Variants in CSTPP1 observed in about 807,000 individuals in gnomAD.
CSTPP1 encodes UPF0705 protein C11orf49.
the CSTPP1 span, among the ~76,000 whole-genome samples, chr11:47,081,973 C>G: frequency 2.3e-4 from 34 of 145,810 alleles, no homozygotes; most frequent in Non-Finnish European, 4.8e-4. Flanking sequence ...TGTGGTGGCG[C>G]ACGCTTATAT....
At chr11:46,989,037 C>T in the CSTPP1 span, among the ~76,000 whole-genome samples, 1 of 151,954 alleles carries the variant, frequency 6.6e-6, no homozygotes, top group Admixed American at 6.6e-5. Flanking sequence ...GGAGACCAGC[C>T]TGACCAACAT....
chr11:47,045,921 G>A, the CSTPP1 span, among the ~76,000 whole-genome samples: 4 of 152,100 alleles, frequency 2.6e-5, no homozygotes, highest in East Asian at 7.7e-4. Flanking sequence ...CGAGTAGCTG[G>A]GATTACAGGC....
the CSTPP1 span, chr11:47,161,229 G>T: frequency 6.2e-7 from 1 of 1,614,080 alleles, no homozygotes. Flanking sequence ...CCTTGTGGGG[G>T]CCAGACGGGT....
At chr11:47,074,501 G>GAA in the CSTPP1 span, among the ~76,000 whole-genome samples, 288 of 115,168 alleles carry the variant, frequency 2.5e-3, 2 homozygotes, top group African/African-American at 9.5e-3. Flanking sequence ...TCCTGTCTCA[G>GAA]AAAAAAAAAA....
At chr11:46,950,978 C>G in the CSTPP1 span, among the ~76,000 whole-genome samples, 2 of 152,134 alleles carry the variant, frequency 1.3e-5, no homozygotes, top group African/African-American at 4.8e-5. Context: ...GAGTAATTCT[C>G]ATATGCAGGA....
At chr11:47,008,159 G>T in the CSTPP1 span, among the ~76,000 whole-genome samples, 4 of 152,038 alleles carry the variant, frequency 2.6e-5, no homozygotes, top group Non-Finnish European at 5.9e-5. Context: ...TAGAGACGGG[G>T]TTTCACCGTG....
the CSTPP1 span, among the ~76,000 whole-genome samples, chr11:47,000,942 A>G: frequency 6.6e-6 from 1 of 152,198 alleles, no homozygotes; most frequent in Non-Finnish European, 1.5e-5. Flanking sequence ...TTCAGGCTAT[A>G]AAAGTAACAT....
chr11:47,049,625 T>C, the CSTPP1 span, among the ~76,000 whole-genome samples: 7 of 151,776 alleles, frequency 4.6e-5, no homozygotes, highest in African/African-American at 1.7e-4. Flanking sequence ...TGGGTGACAG[T>C]GGGAGACAAT....
chr11:47,090,734 T>C, the CSTPP1 span, among the ~76,000 whole-genome samples: 3 of 152,174 alleles, frequency 2.0e-5, no homozygotes, highest in Admixed American at 6.6e-5. Context: ...TTATTATATC[T>C]ATTTTAAAGA....
At chr11:46,956,221 T>C in the CSTPP1 span, among the ~76,000 whole-genome samples, 3 of 152,226 alleles carry the variant, frequency 2.0e-5, no homozygotes, top group South Asian at 6.2e-4. Context: ...AGATCTGGTC[T>C]AATAGGTAAT....
chr11:47,160,171 G>A, the CSTPP1 span: 2 of 168,694 alleles, frequency 1.2e-5, no homozygotes, highest in Non-Finnish European at 1.3e-5. Flanking sequence ...TGGGTGTGGT[G>A]GCATGTACCA....
the CSTPP1 span, among the ~76,000 whole-genome samples, chr11:47,019,595 G>A: frequency 1.3e-5 from 2 of 152,102 alleles, no homozygotes; most frequent in African/African-American, 2.4e-5. Context: ...ATGGCTGGTC[G>A]GTGGAGGAGT....
the CSTPP1 span, among the ~76,000 whole-genome samples, chr11:47,121,501 G>A: frequency 1.3e-5 from 2 of 152,228 alleles, no homozygotes; most frequent in South Asian, 2.1e-4. Flanking sequence ...AGCTTTGGAA[G>A]TTGATCCAAT....
chr11:47,041,422 G>A, the CSTPP1 span: 19 of 267,864 alleles, frequency 7.1e-5, 5 homozygotes, highest in Admixed American at 2.6e-4. Context: ...AGGACAGCAC[G>A]TCTGTGTTCA....
chr11:47,032,918 A>G, the CSTPP1 span, among the ~76,000 whole-genome samples: 1 of 152,240 alleles, frequency 6.6e-6, no homozygotes, highest in Non-Finnish European at 1.5e-5. Context: ...TACCAATAGC[A>G]TTAAAACAGT....
chr11:47,107,070 A>G, the CSTPP1 span, among the ~76,000 whole-genome samples: 1 of 152,164 alleles, frequency 6.6e-6, no homozygotes, highest in Non-Finnish European at 1.5e-5. Flanking sequence ...GGCAAATTGC[A>G]TGCAGGGGAA....
the CSTPP1 span, chr11:47,156,944 G>A: frequency 6.8e-7 from 1 of 1,465,330 alleles, no homozygotes; most frequent in Non-Finnish European, 9.3e-7. Flanking sequence ...GACAGAGAAG[G>A]GAAGACATAG....
the CSTPP1 span, among the ~76,000 whole-genome samples, chr11:47,130,029 C>T: frequency 6.6e-6 from 1 of 152,190 alleles, no homozygotes; most frequent in East Asian, 1.9e-4. Context: ...GAGGCCGAGG[C>T]GGGCGGACCA....
the CSTPP1 span, among the ~76,000 whole-genome samples, chr11:47,088,916 G>T: frequency 6.6e-6 from 1 of 152,098 alleles, no homozygotes; most frequent in Non-Finnish European, 1.5e-5. Context: ...TGAAAAATTC[G>T]AATGACAACC....
Sources: allele counts gnomAD v4.1 joint callset (sites outside exome capture counted in the v4.1 genomes callset), GRCh38; gene constraint gnomAD v4.1.1; transcripts MANE v1.5; gene names NCBI Gene and HGNC (gene_info 2026-07-23, HGNC 2026-07-21).